CRYBG1: variants seen among roughly 807,000 people sequenced by gnomAD.
The protein encoded by CRYBG1 is crystallin beta-gamma domain containing 1.
CRYBG1 carries 139 observed loss-of-function variants against 189.2 expected under a neutral mutation model. The ratio of observed to expected loss-of-function variants is 0.73; its 90% CI spans 0.64 to 0.85. The LOEUF is 0.85. CRYBG1 is among the 40% of genes least tolerant of loss of function. CRYBG1 has a pLI of 0.00. For missense variants in CRYBG1, 2,611 were observed against 2,675.8 expected (o/e 0.98, Z 0.53); for synonymous variants, 1,023 against 1,017.1 (o/e 1.01, Z -0.11).
At chr6:106,365,891 A>G (rs903159368) in intron 1 of CRYBG1, among the ~76,000 whole-genome samples, 2 of 151,988 alleles carry the variant, frequency 1.3e-5, no homozygotes, top group Admixed American at 6.6e-5. Flanking sequence ...TTGGGCAGGC[A>G]GAGATCTACC....
At chr6:106,495,919 T>C (rs1772840722) in intron 2 of CRYBG1, among the ~76,000 whole-genome samples, 1 of 151,378 alleles carries the variant, frequency 6.6e-6, no homozygotes. Flanking sequence ...TAGGGAAATA[T>C]TGCTTTGAGA....
chr6:106,440,183 T>G (rs1672001841), intron 1 of CRYBG1, among the ~76,000 whole-genome samples: 1 of 152,092 alleles, frequency 6.6e-6, no homozygotes, highest in Non-Finnish European at 1.5e-5. Context: ...TATTTCCACA[T>G]ATAGAATTTT....
chr6:106,371,558 A>G (rs953627011), intron 1 of CRYBG1, among the ~76,000 whole-genome samples: 1 of 152,210 alleles, frequency 6.6e-6, no homozygotes, highest in Non-Finnish European at 1.5e-5. Context: ...TTACCGAACT[A>G]TTCTCTTTTG....
intron 8 of CRYBG1, among the ~76,000 whole-genome samples, chr6:106,530,910 G>A (rs1773863979): frequency 6.6e-6 from 1 of 152,186 alleles, no homozygotes; most frequent in African/African-American, 2.4e-5. Context: ...TCACTGAGAT[G>A]CAGGAAAAAA....
chr6:106,482,194 A>G (rs115803613), intron 2 of CRYBG1, among the ~76,000 whole-genome samples: 15,180 of 141,872 alleles, frequency 0.11, no homozygotes, highest in East Asian at 0.17. Context: ...TAGAACTCAT[A>G]GCAACTTGCT....
At chr6:106,475,953 A>C (rs1171997346) in intron 2 of CRYBG1, among the ~76,000 whole-genome samples, 2 of 152,200 alleles carry the variant, frequency 1.3e-5, no homozygotes, top group Non-Finnish European at 2.9e-5. Context: ...ACTGTGAACA[A>C]ATGATAGATG....
At chr6:106,386,952 A>T (rs1305232717) in intron 1 of CRYBG1, among the ~76,000 whole-genome samples, 1 of 152,220 alleles carries the variant, frequency 6.6e-6, no homozygotes, top group Non-Finnish European at 1.5e-5. Flanking sequence ...GACATTGCTT[A>T]AAGTAAAATT....
intron 18 of CRYBG1, among the ~76,000 whole-genome samples, chr6:106,560,148 T>C (rs758832236): frequency 6.6e-6 from 1 of 152,150 alleles, no homozygotes; most frequent in African/African-American, 2.4e-5. Flanking sequence ...TTTTTTGCAG[T>C]AGGTTTTAAT....
At chr6:106,396,223 A>G (rs539772044) in intron 1 of CRYBG1, among the ~76,000 whole-genome samples, 15 of 152,198 alleles carry the variant, frequency 9.9e-5, no homozygotes, top group African/African-American at 3.6e-4. Context: ...ATTTTAATTT[A>G]TTATGTTTTA....
intron 1 of CRYBG1, among the ~76,000 whole-genome samples, chr6:106,379,484 A>G (rs1770245145): frequency 6.6e-6 from 1 of 151,016 alleles, no homozygotes; most frequent in African/African-American, 2.4e-5. Context: ...GATGGTCTCG[A>G]TCTCCTGACC....
chr6:106,505,722 ATTT>A (rs34498308), intron 2 of CRYBG1, among the ~76,000 whole-genome samples: 1 of 147,534 alleles, frequency 6.8e-6, no homozygotes, highest in Non-Finnish European at 1.5e-5. Flanking sequence ...AACTCATGCT[ATTT>A]TTTTTTTTTT....
At chr6:106,546,891 C>CA (rs1774275335) in intron 13 of CRYBG1, among the ~76,000 whole-genome samples, 1 of 152,182 alleles carries the variant, frequency 6.6e-6, no homozygotes, top group South Asian at 2.1e-4. Context: ...AGAGCCTAGT[C>CA]ATCCACCCTG....
At chr6:106,504,044 A>C (rs1773071937) in intron 2 of CRYBG1, among the ~76,000 whole-genome samples, 1 of 146,364 alleles carries the variant, frequency 6.8e-6, no homozygotes, top group African/African-American at 2.5e-5. Flanking sequence ...AAAAAAAAAA[A>C]AAAACCACAA....
At chr6:106,394,796 T>G (rs1400850791) in intron 1 of CRYBG1, among the ~76,000 whole-genome samples, 1 of 152,010 alleles carries the variant, frequency 6.6e-6, no homozygotes, top group Admixed American at 6.6e-5. Context: ...AGAATATCCT[T>G]TAGTAGGTAG....
intron 1 of CRYBG1, among the ~76,000 whole-genome samples, chr6:106,377,649 T>TATATATATATATATATATATATATA (rs1311795670): frequency 8.5e-5 from 11 of 129,912 alleles, no homozygotes; most frequent in African/African-American, 2.3e-4. Flanking sequence ...ATATATATAT[T>TATATATATATATATATATATATATA]TTCATTTGCA....
rs397976859 is a variant in CRYBG1, at chr6:106,521,711, CTTTTT to C, written c.4245+279_4245+283del. ...CTACAAATGCTCTAAGGCACATGAT[CTTTTT>C]TTTTTTTTTTTTTTTTTTTTGAGAC... On this transcript the variant is annotated intron_variant, in intron 4 of 21. Transcript: ENST00000633556. Among the ~76,000 whole-genome samples, 5 of 72,170 alleles carry C rather than the reference CTTTTT, an allele frequency of 6.9e-5. No individual in the cohort carries two copies. In the South Asian group the frequency reaches 2.0e-3, roughly 28 times the overall value. 47.3% of individuals were successfully genotyped at this position (72,170 alleles called of 152,430 possible).
At chr6:106,383,891 G>A (rs7759046) in intron 1 of CRYBG1, among the ~76,000 whole-genome samples, 37,803 of 152,134 alleles carry the variant, frequency 0.25, 5,253 homozygotes, top group Middle Eastern at 0.33. Context: ...TAGTACATGG[G>A]GCTAGGGAAG....
intron 15 of CRYBG1, 47 bp downstream of exon 15, chr6:106,552,263 A>G: frequency 7.8e-7 from 1 of 1,284,188 alleles, no homozygotes; most frequent in South Asian, 1.5e-5. Context: ...AGGGCCTTCC[A>G]TTGAAAAGCT....
chr6:106,412,973 G>C (rs1770957979), intron 1 of CRYBG1, among the ~76,000 whole-genome samples: 1 of 150,778 alleles, frequency 6.6e-6, no homozygotes, highest in South Asian at 2.1e-4. Flanking sequence ...AGAGCTTTTG[G>C]ATTACATATC....
Sources: allele counts gnomAD v4.1 joint callset (sites outside exome capture counted in the v4.1 genomes callset), GRCh38; gene constraint gnomAD v4.1.1; transcripts MANE v1.5; gene names NCBI Gene and HGNC (gene_info 2026-07-23, HGNC 2026-07-21).